Variants in CNKSR2 observed in about 807,000 individuals in gnomAD.
CNKSR2 encodes CNK homolog protein 2.
CNKSR2 carries 14 observed loss-of-function variants against 84.4 expected under a neutral mutation model. That is an observed-to-expected ratio of 0.17 (90% CI 0.11 to 0.26). The LOEUF is 0.26. Ranked by LOEUF, CNKSR2 falls within the 10% of genes least tolerant of loss-of-function variation. The pLI is 1.00. For missense variants in CNKSR2, 485 were observed against 771.2 expected, an observed-to-expected ratio of 0.63 and a Z score of 4.40; for synonymous variants, 275 against 277.9, an observed-to-expected ratio of 0.99 and a Z score of 0.10.
chrX:21,649,160 T>A, intron 21 of CNKSR2, 133 bp downstream of exon 21: 1 of 456,614 alleles, frequency 2.2e-6, no homozygotes, highest in Non-Finnish European at 3.8e-6. Context: ...AACTTGAAGC[T>A]GAGCTATTTC....
At chrX:21,615,187 T>C (rs1416132782) in intron 20 of CNKSR2, among the ~76,000 whole-genome samples, 1 of 112,493 alleles carries the variant, frequency 8.9e-6, no homozygotes, top group African/African-American at 3.2e-5. Context: ...GTTCAAGCAG[T>C]GTTTCACTTT....
chrX:21,521,199 G>A (rs998605257), intron 9 of CNKSR2, among the ~76,000 whole-genome samples: 4 of 110,618 alleles, frequency 3.6e-5, no homozygotes, highest in Admixed American at 1.9e-4. Flanking sequence ...GTTTCTGAGA[G>A]TTTTGTTTTA....
chrX:21,530,214 A>G (rs1158116578), intron 10 of CNKSR2, among the ~76,000 whole-genome samples: 2 of 111,667 alleles, frequency 1.8e-5, no homozygotes, highest in African/African-American at 3.2e-5. Context: ...TATTGTGGTA[A>G]TAAGCAATAC....
chrX:21,480,765 C>T (rs1174234587), intron 5 of CNKSR2, among the ~76,000 whole-genome samples: 4 of 111,932 alleles, frequency 3.6e-5, no homozygotes, highest in African/African-American at 1.3e-4. Context: ...CAAAGGTGTA[C>T]ATTTGGGACT....
At chrX:21,606,496 T>G in intron 18 of CNKSR2, 1 of 227,166 alleles carries the variant, frequency 4.4e-6, no homozygotes, top group Non-Finnish European at 7.8e-6. Context: ...ACCCTAAACC[T>G]GACTGAGCTC....
chrX:21,448,719 T>C (rs967194239), intron 4 of CNKSR2, among the ~76,000 whole-genome samples: 1 of 111,644 alleles, frequency 9.0e-6, no homozygotes, highest in African/African-American at 3.3e-5. Context: ...TTACTTTTAA[T>C]GGCAAAAAAC....
At chrX:21,617,894 G>GC (rs1346729795) in intron 20 of CNKSR2, among the ~76,000 whole-genome samples, 49 of 82,645 alleles carry the variant, frequency 5.9e-4, no homozygotes, top group African/African-American at 1.2e-3. Flanking sequence ...CTCATACACT[G>GC]CCCCCCCCAC....
chrX:21,523,006 G>A (rs2091800192), intron 9 of CNKSR2, among the ~76,000 whole-genome samples: 1 of 110,921 alleles, frequency 9.0e-6, no homozygotes, highest in Non-Finnish European at 1.9e-5. Flanking sequence ...ATAAATGTAT[G>A]TTTGAAGAGA....
intron 1 of CNKSR2, among the ~76,000 whole-genome samples, chrX:21,401,147 A>G (rs2090186186): frequency 1.8e-5 from 2 of 111,233 alleles, no homozygotes; most frequent in Admixed American, 1.9e-4. Flanking sequence ...TGTCAGCAAT[A>G]CTAATAGTAT....
rs5904567 is a variant in CNKSR2 at position 21,467,300 on chromosome X, A to G, written c.520-3466A>G. Among the ~76,000 whole-genome samples, 426 of 111,448 alleles carry G rather than the reference A, an allele frequency of 3.8e-3. 2 individuals carry two copies. Among genetic ancestry groups the G allele is most frequent in the Middle Eastern group, 9.1e-3 (2 of 219 alleles). On this transcript the variant is annotated intron_variant, in intron 4 of 21. Coordinates refer to ENST00000379510, the MANE Select transcript of CNKSR2 (RefSeq NM_014927.5). ...TAGATCCGTACTTCTGGGAATCTGC[A>G]TTTTAACCCACCCCTCAAATGATTC...
At chrX:21,508,157 G>A (rs970968228) in intron 8 of CNKSR2, among the ~76,000 whole-genome samples, 1 of 111,527 alleles carries the variant, frequency 9.0e-6, no homozygotes, top group African/African-American at 3.3e-5. Flanking sequence ...GCGAGACCAC[G>A]TCTCTACAGA....
intron 20 of CNKSR2, among the ~76,000 whole-genome samples, chrX:21,621,313 T>C (rs1330403349): frequency 8.9e-6 from 1 of 111,941 alleles, no homozygotes; most frequent in Non-Finnish European, 1.9e-5. Flanking sequence ...TATCAAGTGA[T>C]AAGCATTCCA....
At chrX:21,484,314 A>G (rs186592260) in intron 5 of CNKSR2, among the ~76,000 whole-genome samples, 3 of 111,648 alleles carry the variant, frequency 2.7e-5, no homozygotes, top group Non-Finnish European at 5.7e-5. Context: ...ACAAAACAAA[A>G]CAAAACAAAA....
At chrX:21,519,894 C>G (rs977678983) in intron 9 of CNKSR2, among the ~76,000 whole-genome samples, 1 of 110,679 alleles carries the variant, frequency 9.0e-6, no homozygotes, top group Non-Finnish European at 1.9e-5. Flanking sequence ...ATTTTTTAAA[C>G]TTATAAGGAA....
intron 4 of CNKSR2, among the ~76,000 whole-genome samples, chrX:21,460,674 C>A (rs930919813): frequency 1.8e-5 from 2 of 110,853 alleles, no homozygotes; most frequent in African/African-American, 6.6e-5. Context: ...GTACCCATCC[C>A]CACTTCTCCT....
At chrX:21,540,407 A>G (rs1454144539) in intron 11 of CNKSR2, among the ~76,000 whole-genome samples, 1 of 111,768 alleles carries the variant, frequency 8.9e-6, no homozygotes, top group Non-Finnish European at 1.9e-5. Flanking sequence ...GCAATAATCA[A>G]TGACAACTTT....
chrX:21,604,178 G>GA (rs912967135), intron 18 of CNKSR2, among the ~76,000 whole-genome samples: 9 of 111,005 alleles, frequency 8.1e-5, no homozygotes, highest in Non-Finnish European at 1.5e-4. Context: ...CTTAGTGTAA[G>GA]AAAAAAAATT....
chrX:21,620,014 C>T (rs1461598418), intron 20 of CNKSR2, among the ~76,000 whole-genome samples: 2 of 110,834 alleles, frequency 1.8e-5, no homozygotes, highest in Non-Finnish European at 3.8e-5. Flanking sequence ...GGGCTGCCTT[C>T]TCTTTATTTA....
At chrX:21,464,235 T>C (rs1372122049) in intron 4 of CNKSR2, among the ~76,000 whole-genome samples, 2 of 112,137 alleles carry the variant, frequency 1.8e-5, no homozygotes. Context: ...TTTTCTGCTA[T>C]AACAACGTCA....
Sources: allele counts gnomAD v4.1 joint callset (sites outside exome capture counted in the v4.1 genomes callset), GRCh38; gene constraint gnomAD v4.1.1; transcripts MANE v1.5; gene names NCBI Gene and HGNC (gene_info 2026-07-23, HGNC 2026-07-21).